Variants in WDR37 observed in about 807,000 individuals in gnomAD.
WDR37 encodes the protein WD repeat domain 37, also known as WD repeat-containing protein 37.
In WDR37, 19 loss-of-function variants were observed where a neutral mutation model predicts 62.9. That is an observed-to-expected ratio of 0.30 (90% CI 0.21 to 0.44). WDR37 has a LOEUF of 0.44. Among genes scored for constraint, WDR37 ranks in the 20% least tolerant of loss-of-function variants. The pLI, the probability that WDR37 is intolerant of heterozygous loss-of-function variation, is 1.00. For missense variants in WDR37, 474 were observed against 657.6 expected, an observed-to-expected ratio of 0.72 and a Z score of 3.05; for synonymous variants, 250 against 260.9, an observed-to-expected ratio of 0.96 and a Z score of 0.40.
chr10:1,073,457 A>G (rs766734634), intron 2 of WDR37, among the ~76,000 whole-genome samples: 3 of 152,222 alleles, frequency 2.0e-5, no homozygotes, highest in Non-Finnish European at 4.4e-5. Flanking sequence ...CTTTACCTCA[A>G]ATTAGATGAT....
intron 13 of WDR37, among the ~76,000 whole-genome samples, chr10:1,128,837 G>GGTGGTCCTGCTCA (rs1230625333): frequency 9.3e-5 from 14 of 150,618 alleles, no homozygotes; most frequent in Admixed American, 3.3e-4. Context: ...GTCCATGCTC[G>GGTGGTCCTGCTCA]GTGGTCCTGC....
chr10:1,063,852 C>T lies in WDR37; in HGVS notation c.-41+6884C>T, dbSNP rs150017589. On this transcript the variant is annotated intron_variant, in intron 1 of 13. Coordinates refer to ENST00000263150, the MANE Select transcript of WDR37 (RefSeq NM_014023.4). ...GTGGGAATCTCAACTTCCACCTCAC[C>T]GTCCACATCCACCTGGCAGAGGCCT... Among the ~76,000 whole-genome samples, 900 of 152,160 alleles carry T rather than the reference C, an allele frequency of 5.9e-3. 4 individuals are homozygous for T. Among genetic ancestry groups the T allele is most frequent in the African/African-American group, 0.021 (855 of 41,524 alleles).
intron 11 of WDR37, among the ~76,000 whole-genome samples, chr10:1,122,892 T>G (rs1835628259): frequency 6.6e-6 from 1 of 152,274 alleles, no homozygotes; most frequent in East Asian, 1.9e-4. Context: ...TAACATCCTT[T>G]GTTTACATGT....
intron 10 of WDR37, among the ~76,000 whole-genome samples, chr10:1,104,595 C>T (rs1157916952): frequency 6.6e-6 from 1 of 152,146 alleles, no homozygotes; most frequent in East Asian, 1.9e-4. Context: ...TATAATGTAT[C>T]ATAATTACCA....
At chr10:1,126,109 C>T (rs555749567) in intron 13 of WDR37, among the ~76,000 whole-genome samples, 1 of 152,294 alleles carries the variant, frequency 6.6e-6, no homozygotes, top group African/African-American at 2.4e-5. Context: ...TGCACAGAAA[C>T]TCCCCGGGGT....
chr10:1,093,617 C>A, intron 8 of WDR37, 121 bp downstream of exon 8: 2 of 834,190 alleles, frequency 2.4e-6, no homozygotes, highest in East Asian at 2.7e-5. Flanking sequence ...CTTTAGTAGA[C>A]ATTTTATGAA....
chr10:1,129,678 T>A lies in WDR37; in HGVS notation c.*334T>A. ...ACATTTGTGTGAATTAAATGTGAACTTCTGTATTACGTTGCGGCGTCGGCA... is the reference window on the plus strand; with the variant it reads ...ACATTTGTGTGAATTAAATGTGAACATCTGTATTACGTTGCGGCGTCGGCA... On this transcript the variant is annotated 3_prime_UTR_variant, in exon 14 of 14. Coordinates refer to ENST00000263150, the MANE Select transcript of WDR37 (RefSeq NM_014023.4). 1.0e-5 allele frequency: 2 copies of A among 196,580 alleles called. No individual in the cohort carries two copies. Among genetic ancestry groups the A allele is most frequent in the South Asian group, 1.0e-4 (1 of 9,860 alleles). 12.2% of individuals were successfully genotyped at this position (196,580 alleles called of 1,614,324 possible).
At position 1,072,305 on chromosome 10, in the gene WDR37, T is replaced by A. The variant is rs752384383; in HGVS notation, c.138+12T>A. The stretch of plus-strand genomic sequence containing the variant: ...TGTTAGAAGGACAAGTAAGCTACGA[T>A]TGATTAGGGCCTTATTGATTGATTG... On this transcript the variant is annotated intron_variant, in intron 2 of 13. Coordinates refer to ENST00000263150, the MANE Select transcript of WDR37 (RefSeq NM_014023.4). 6.2e-7 allele frequency: 1 copy of A among 1,613,134 alleles called. No individual in the cohort carries two copies. The highest frequency in any genetic ancestry group is 1.7e-5 in the Admixed American group (1 of 59,804).
At chr10:1,127,321 T>C (rs1417456377) in intron 13 of WDR37, among the ~76,000 whole-genome samples, 1 of 152,250 alleles carries the variant, frequency 6.6e-6, no homozygotes, top group Non-Finnish European at 1.5e-5. Flanking sequence ...TGTGCCTGGG[T>C]TTATTCCCTC....
chr10:1,116,604 T>C (rs553227487), intron 11 of WDR37, among the ~76,000 whole-genome samples: 8 of 152,336 alleles, frequency 5.3e-5, no homozygotes, highest in African/African-American at 1.9e-4. Flanking sequence ...CTGGCTGATA[T>C]CCAAGGTTAT....
rs1403395983 is a variant in WDR37, at chr10:1,131,158, G to C, written c.*1814G>C. ...AACTTGCCTGATGCAGGGCTGTGCT[G>C]TGTCCAGATGTTGCTGGGGCCTCAC... On this transcript the variant is annotated 3_prime_UTR_variant, in exon 14 of 14. Coordinates refer to ENST00000263150, the MANE Select transcript of WDR37 (RefSeq NM_014023.4). The C allele has an allele frequency of 2.6e-5, 4 of 152,340 alleles. No homozygotes were observed. Among genetic ancestry groups the C allele is most frequent in the African/African-American group, 9.7e-5 (4 of 41,448 alleles). The allele number at this position is 152,340 out of a possible 1,614,324, so 9.4% of individuals were successfully genotyped here.
In WDR37 at chr10:1,088,222, C is replaced by T. The variant is rs559725074; in HGVS notation, c.604+1865C>T. 3.3e-5 allele frequency among the ~76,000 whole-genome samples: 5 copies of T among 152,324 alleles called. No individual in the cohort carries two copies. The South Asian group carries it at 6.2e-4, about 19-fold the overall frequency. ...ACTTCCTGTGTATCGGCGTTCTTGT[C>T]ATTTGTGTGTTCACTGGAATAGTGC... On this transcript the variant is annotated intron_variant, in intron 7 of 13. Transcript: ENST00000263150.
At chr10:1,126,194 A>G (rs1414308415) in intron 13 of WDR37, among the ~76,000 whole-genome samples, 1 of 152,128 alleles carries the variant, frequency 6.6e-6, no homozygotes, top group East Asian at 1.9e-4. Context: ...TCACGAGGTC[A>G]GGAGATCGAG....
intron 13 of WDR37, among the ~76,000 whole-genome samples, chr10:1,128,480 C>A (rs1835868309): frequency 6.6e-6 from 1 of 152,254 alleles, no homozygotes; most frequent in South Asian, 2.1e-4. Context: ...AGGAATCTAC[C>A]TAAAAGGCCA....
At chr10:1,112,865 A>C (rs1316810232) in intron 11 of WDR37, among the ~76,000 whole-genome samples, 1 of 152,218 alleles carries the variant, frequency 6.6e-6, no homozygotes, top group African/African-American at 2.4e-5. Flanking sequence ...TAAGGAAGGA[A>C]GCCGTCTCCA....
intron 1 of WDR37, among the ~76,000 whole-genome samples, chr10:1,069,102 A>C (rs1354337220): frequency 6.6e-6 from 1 of 152,084 alleles, no homozygotes; most frequent in Non-Finnish European, 1.5e-5. Flanking sequence ...TTGGGGTGAT[A>C]AAAATGTACA....
At chr10:1,069,810 A>G (rs1269760225) in intron 1 of WDR37, among the ~76,000 whole-genome samples, 4 of 152,186 alleles carry the variant, frequency 2.6e-5, no homozygotes, top group Middle Eastern at 3.2e-3. Context: ...TAGTGAAATT[A>G]ACTAACAAAT....
Position 1,080,049 on chromosome 10 carries a change from G to A in WDR37, c.274G>A (p.Ala92Thr). 6.2e-7 allele frequency: 1 copy of A among 1,614,112 alleles called. No homozygotes were observed. ...CGACACTCTTAATGAACGTTTAGCT[G>A]CTGAAGGACAAGCGATTGATGGAGC... ...EIDTLNERLA[A>T]EGQAIDGAEL... The change falls in exon 4 of 14, where the codon GCT becomes ACT. Residue 92 changes from alanine to threonine, a missense_variant. Coordinates refer to ENST00000263150, the MANE Select transcript of WDR37 (RefSeq NM_014023.4).
Position 1,121,698 on chromosome 10 carries a change from G to T in WDR37, c.1104-2520G>T, listed in dbSNP as rs1316249946. 6.6e-6 allele frequency among the ~76,000 whole-genome samples: 1 copy of T among 152,204 alleles called. No individual in the cohort carries two copies. Among genetic ancestry groups the T allele is most frequent in the Non-Finnish European group, 1.5e-5 (1 of 68,040 alleles). On this transcript the variant is annotated intron_variant, in intron 11 of 13. Coordinates refer to ENST00000263150, the MANE Select transcript of WDR37 (RefSeq NM_014023.4). The surrounding 1 kb of genome is among the most constrained non-coding windows in gnomAD (Gnocchi z 4.5). ...TCTAGTTTCTAATGTGCCTGGGCAG[G>T]GCGGCTGCTACATCCACAGGCCAGG...
Sources: allele counts gnomAD v4.1 joint callset (sites outside exome capture counted in the v4.1 genomes callset), GRCh38; gene constraint gnomAD v4.1.1; non-coding constraint Gnocchi (gnomAD v3.1); transcripts MANE v1.5; gene names NCBI Gene and HGNC (gene_info 2026-07-23, HGNC 2026-07-21).